TASOR: variants seen among roughly 807,000 people sequenced by gnomAD.
TASOR encodes the protein protein TASOR.
Under a neutral mutation model 178.6 loss-of-function variants are expected in TASOR, and 53 were observed. The observed-to-expected ratio is 0.30, with a 90% CI of 0.24 to 0.37. TASOR has a LOEUF of 0.37. TASOR is among the 10% of genes least tolerant of loss of function. The probability of loss-of-function intolerance (pLI) is 1.00; values close to 1 mark genes in which losing one functional copy is unlikely to be tolerated. For missense variants in TASOR, 1,815 were observed against 1,971.4 expected (o/e 0.92, Z 1.50); for synonymous variants, 713 against 696.2 (o/e 1.02, Z -0.38).
intron 7 of TASOR, among the ~76,000 whole-genome samples, chr3:56,665,709 C>G (rs1215060318): frequency 6.6e-6 from 1 of 151,928 alleles, no homozygotes; most frequent in Admixed American, 6.5e-5. Context: ...CGGTGGCTGA[C>G]GCCTGTAATC....
intron 5 of TASOR, among the ~76,000 whole-genome samples, chr3:56,669,273 G>A (rs1040989605): frequency 3.3e-5 from 5 of 152,090 alleles, no homozygotes; most frequent in Non-Finnish European, 5.9e-5. Flanking sequence ...GGAGGCTGAC[G>A]CGGGTGGATC....
At chr3:56,626,090 T>G (rs2076793393) in intron 21 of TASOR, among the ~76,000 whole-genome samples, 1 of 152,214 alleles carries the variant, frequency 6.6e-6, no homozygotes, top group Non-Finnish European at 1.5e-5. Context: ...GTATAAAGTT[T>G]AAGGAAATAA....
intron 6 of TASOR, 32 bp downstream of exon 6, chr3:56,668,365 A>T (rs1176744024): frequency 6.5e-7 from 1 of 1,545,882 alleles, no homozygotes; most frequent in Non-Finnish European, 8.7e-7. Context: ...CAGGTATGAG[A>T]TCACAACATT....
At chr3:56,659,046 C>T (rs578085483) in intron 11 of TASOR, among the ~76,000 whole-genome samples, 1 of 152,162 alleles carries the variant, frequency 6.6e-6, no homozygotes, top group African/African-American at 2.4e-5. Flanking sequence ...GTCAAAGACT[C>T]GCAAGGGTTT....
chr3:56,623,904 T>C (rs2076742451), intron 23 of TASOR: 2 of 1,387,588 alleles, frequency 1.4e-6, no homozygotes, highest in Non-Finnish European at 2.0e-6. Context: ...TTTTTTGACA[T>C]CTAGCTTCAC....
chr3:56,620,317 T>C lies in TASOR; in HGVS notation c.*2720A>G, dbSNP rs2076242561. The C allele has an allele frequency of 6.5e-6, 1 of 154,694 alleles. No individual in the cohort carries two copies. Among genetic ancestry groups the C allele is most frequent in the South Asian group, 2.0e-4 (1 of 5,072 alleles). 9.6% of individuals were successfully genotyped at this position (154,694 alleles called of 1,614,324 possible). ...CATTGACGTACATCCCAAATAGTAA[T>C]AAATTCAGTATGAAATTATACGCAT... On this transcript the variant is annotated 3_prime_UTR_variant, in exon 24 of 24. Coordinates refer to ENST00000683822, the MANE Select transcript of TASOR (RefSeq NM_001365635.2).
intron 11 of TASOR, among the ~76,000 whole-genome samples, chr3:56,650,369 C>T (rs2077325986): frequency 6.6e-6 from 1 of 152,094 alleles, no homozygotes; most frequent in Non-Finnish European, 1.5e-5. Context: ...CTTAGTTGAC[C>T]ACTTTCTCCA....
At position 56,623,420 on chromosome 3, in the gene TASOR, T is replaced by C; in HGVS notation, c.4630A>G (p.Asn1544Asp). 1 of 1,613,780 alleles carries C rather than the reference T, an allele frequency of 6.2e-7. No homozygotes were observed. The highest frequency in any genetic ancestry group is 8.5e-7 in the Non-Finnish European group (1 of 1,179,948). Residue 1544 changes from asparagine (N) to aspartate (D), a missense_variant, in exon 24 of 24, where the codon AAT becomes GAT. This residue lies in a region of TASOR where 278 missense variants were observed against 257.1 expected (regional missense o/e 1.08). Transcript: ENST00000683822. ...GACGATTGCAACTCAATTTGAGTATTCTTTTTTTGATCTGTTCCACGTGAT... is the reference window on the plus strand; with the variant it reads ...GACGATTGCAACTCAATTTGAGTATCCTTTTTTTGATCTGTTCCACGTGAT... ...KGSRGTDQKK[N>D]TQIELQSSPD...
At chr3:56,641,805 CTT>C in intron 14 of TASOR, 53 bp from the exon 15 acceptor site, 11 of 1,514,726 alleles carry the variant, frequency 7.3e-6, no homozygotes, top group Non-Finnish European at 9.7e-6. Flanking sequence ...AAGCATAAAA[CTT>C]TTAAAATCAA....
At position 56,625,146 on chromosome 3, in the gene TASOR, G is replaced by C. The variant is rs1410439269; in HGVS notation, c.4140-140C>G. On this transcript the variant is annotated intron_variant, in intron 21 of 23. Transcript: ENST00000683822. ...TGCTTTAGCTCTCTGCCTGATGTAG[G>C]GGGTGTGCTTCTTTGGAAAGAAAGA... is the stretch of plus-strand genomic sequence containing the variant. 1.3e-5 allele frequency: 10 copies of C among 745,958 alleles called. No individual in the cohort carries two copies. The East Asian group carries it at 2.1e-4, about 16-fold the overall frequency. 46.2% of individuals were successfully genotyped at this position (745,958 alleles called of 1,614,324 possible).
chr3:56,678,370 T>A (rs766710508), intron 1 of TASOR, among the ~76,000 whole-genome samples: 3 of 151,444 alleles, frequency 2.0e-5, no homozygotes, highest in Non-Finnish European at 2.9e-5. Flanking sequence ...TTTAATAGAG[T>A]CAGGGTTTCA....
chr3:56,638,256 T>G (rs902635034), intron 17 of TASOR, among the ~76,000 whole-genome samples: 1 of 152,100 alleles, frequency 6.6e-6, no homozygotes, highest in Non-Finnish European at 1.5e-5. Flanking sequence ...TCCCAGCTAC[T>G]TGGGAGGCTG....
intron 23 of TASOR, 29 bp downstream of exon 23, chr3:56,624,450 A>G (rs2076755405): frequency 1.2e-6 from 2 of 1,602,928 alleles, no homozygotes; most frequent in Admixed American, 3.5e-5. Flanking sequence ...TGTCTGCGTT[A>G]AAGAAAATGA....
chr3:56,661,007 A>T lies in TASOR; in HGVS notation c.1171T>A (p.Leu391Ile). Residue 391 changes from leucine (L) to isoleucine (I), a missense_variant, in exon 10 of 24, where the codon TTA becomes ATA. Physicochemically the swap from Leu to Ile is conservative, Grantham distance 5. Coordinates refer to ENST00000683822, the MANE Select transcript of TASOR (RefSeq NM_001365635.2). Reference sequence around the variant, plus strand: ...ATACTCATAACTGTTTCAACATCTAATTTCTCAGGTCTGAAAGAAAATTTT... The same window carrying T: ...ATACTCATAACTGTTTCAACATCTATTTTCTCAGGTCTGAAAGAAAATTTT... ...AFLPIKLPEK[L>I]DVETVMSIDH... is the part of the protein sequence containing the mutation. 6.3e-7 allele frequency: 1 copy of T among 1,599,108 alleles called. No individual in the cohort carries two copies.
chr3:56,631,576 GTTTT>G (rs796072760), intron 18 of TASOR, among the ~76,000 whole-genome samples: 17 of 111,026 alleles, frequency 1.5e-4, no homozygotes, highest in Non-Finnish European at 2.1e-4. Flanking sequence ...GTGTGTCTGT[GTTTT>G]TTTGTTTTTT....
At chr3:56,661,904 C>T (rs2107612668) in intron 9 of TASOR, among the ~76,000 whole-genome samples, 1 of 152,118 alleles carries the variant, frequency 6.6e-6, no homozygotes, top group South Asian at 2.1e-4. Flanking sequence ...GCGGGAGGAT[C>T]ATATGAGGTC....
At chr3:56,653,390 A>G (rs1011056638) in intron 11 of TASOR, among the ~76,000 whole-genome samples, 2 of 150,606 alleles carry the variant, frequency 1.3e-5, no homozygotes, top group African/African-American at 4.9e-5. Flanking sequence ...AGGAAAAGAT[A>G]TACCAAGCTG....
rs2076720811 is a variant in TASOR at position 56,623,015 on chromosome 3, C to A, written c.*22G>T. The A allele has an allele frequency of 6.9e-7, 1 of 1,451,570 alleles. No homozygotes were observed. Among genetic ancestry groups the A allele is most frequent in the Non-Finnish European group, 9.2e-7 (1 of 1,089,040 alleles). 89.9% of individuals were successfully genotyped at this position (1,451,570 alleles called of 1,614,324 possible). On this transcript the variant is annotated 3_prime_UTR_variant, in exon 24 of 24. Coordinates refer to ENST00000683822, the MANE Select transcript of TASOR (RefSeq NM_001365635.2). ...TAATAAACAAAGTCCACAACAATCT[C>A]TTAAAAAAAAAGTTACTACAGTTAT...
chr3:56,680,498 A>C (rs1383306695), intron 1 of TASOR, among the ~76,000 whole-genome samples: 2 of 152,176 alleles, frequency 1.3e-5, no homozygotes, highest in Non-Finnish European at 2.9e-5. Flanking sequence ...CTTAAATTTC[A>C]CTGGAAAAGC....
Sources: gnomAD v4.1 joint callset for allele counts (sites outside exome capture counted in the v4.1 genomes callset) on GRCh38, gnomAD v4.1.1 for gene constraint, gnomAD v4.1.1 regional missense constraint, MANE v1.5 for transcripts, NCBI Gene and HGNC (gene_info 2026-07-23, HGNC 2026-07-21) for gene names.